Variants in TNR observed in about 807,000 individuals in gnomAD.
TNR encodes the protein tenascin R, also known as tenascin-R.
Under a neutral mutation model 150.4 loss-of-function variants are expected in TNR, and 45 were observed. The observed-to-expected ratio is 0.30, with a 90% confidence interval of 0.24 to 0.38. TNR has a LOEUF of 0.38. Among genes scored for constraint, TNR ranks in the 10% least tolerant of loss-of-function variants. The pLI is 1.00. For synonymous variants in TNR, 687 were observed against 678.4 expected (o/e 1.01, Z -0.20); for missense variants, 1,544 against 1,759.1 (o/e 0.88, Z 2.19).
chr1:175,584,568 G>A (rs1311937072), intron 1 of TNR, among the ~76,000 whole-genome samples: 1 of 152,180 alleles, frequency 6.6e-6, no homozygotes, highest in African/African-American at 2.4e-5. Flanking sequence ...TTGAATGTGT[G>A]ATGTATGAAA....
In TNR at chr1:175,366,028, G is replaced by A. The variant is rs200392863; in HGVS notation, c.2164C>T (p.Pro722Ser). The A allele has an allele frequency of 6.8e-6, 11 of 1,614,026 alleles. No individual in the cohort carries two copies. Among genetic ancestry groups the A allele is most frequent in the Admixed American group, 1.7e-5 (1 of 60,008 alleles). ...ACTTCTGAGGCAATCCCAGAGGATG[G>A]GGTAAAGGTAATTCGGTAGTGGTCA... ...PIDHYRITFTPSSGIASEVTV... is the reference protein window; with the variant it reads ...PIDHYRITFTSSSGIASEVTV... The change falls in exon 11 of 23, where the codon CCA becomes TCA. Residue 722 changes from proline (P) to serine (S), a missense_variant. Transcript: ENST00000367674.
intron 2 of TNR, among the ~76,000 whole-genome samples, chr1:175,496,924 T>C (rs1171782083): frequency 6.6e-6 from 1 of 152,232 alleles, no homozygotes; most frequent in Non-Finnish European, 1.5e-5. Context: ...GGAATCACTG[T>C]CCTCATTTAT....
intron 2 of TNR, among the ~76,000 whole-genome samples, chr1:175,425,952 G>C (rs1654948763): frequency 6.6e-6 from 1 of 152,124 alleles, no homozygotes; most frequent in South Asian, 2.1e-4. Flanking sequence ...TACAGACCTG[G>C]GTGGGCCTCA....
intron 2 of TNR, among the ~76,000 whole-genome samples, chr1:175,448,497 G>T (rs140102333): frequency 1.3e-5 from 2 of 152,114 alleles, no homozygotes; most frequent in East Asian, 1.9e-4. Context: ...GGCATGAGCC[G>T]CTGTGCCCGG....
At chr1:175,662,673 G>C (rs1373370738) in intron 1 of TNR, among the ~76,000 whole-genome samples, 1 of 152,206 alleles carries the variant, frequency 6.6e-6, no homozygotes, top group Non-Finnish European at 1.5e-5. Context: ...GAGGGCGTCT[G>C]TAACCTGTCC....
At chr1:175,480,061 C>T (rs1224388500) in intron 2 of TNR, among the ~76,000 whole-genome samples, 3 of 151,964 alleles carry the variant, frequency 2.0e-5, no homozygotes. Context: ...AGGGACTTGT[C>T]TGCCCATGTA....
Position 175,379,438 on chromosome 1 carries a change from A to G in TNR, c.1963+114T>C, listed in dbSNP as rs1237920603. 5 of 877,182 alleles carry G rather than the reference A, an allele frequency of 5.7e-6. No individual in the cohort carries two copies. In the African/African-American group the frequency reaches 6.7e-5, roughly 12 times the overall value. The allele number at this position is 877,182 out of a possible 1,614,324, so 54.3% of individuals were successfully genotyped here. The stretch of plus-strand genomic sequence containing the variant: ...TAGACATATGTGCTAGGCACTTAAG[A>G]GATGAGATCAATAGGAATTGGCCAT... On this transcript the variant is annotated intron_variant, in intron 9 of 22. Coordinates refer to ENST00000367674, the MANE Select transcript of TNR (RefSeq NM_003285.3).
In TNR at chr1:175,330,236, C is replaced by G. The variant is rs1557866568; in HGVS notation, c.3632-1G>C. ...GTGATCCTGTGTATATTGTCCAGCC[C>G]TGTGGAGAAGAGCAGAAAATGCACT... On this transcript the variant is annotated splice_acceptor_variant, in intron 20 of 22. Coordinates refer to ENST00000367674, the MANE Select transcript of TNR (RefSeq NM_003285.3). LOFTEE classifies it high-confidence loss of function. The G allele has an allele frequency of 6.5e-7, 1 of 1,545,906 alleles. No homozygotes were observed. Among genetic ancestry groups the G allele is most frequent in the East Asian group, 2.3e-5 (1 of 43,584 alleles).
intron 1 of TNR, among the ~76,000 whole-genome samples, chr1:175,611,005 A>G (rs1303550660): frequency 6.6e-6 from 1 of 152,144 alleles, no homozygotes; most frequent in Non-Finnish European, 1.5e-5. Flanking sequence ...GGGAAATCTA[A>G]CCTGTCCGGA....
chr1:175,359,050 C>G (rs1251533358), intron 15 of TNR, among the ~76,000 whole-genome samples: 1 of 148,006 alleles, frequency 6.8e-6, no homozygotes, highest in Non-Finnish European at 1.5e-5. Flanking sequence ...TTTGTACTTG[C>G]CCTTGGTTAC....
chr1:175,735,717 A>G (rs1020699713), intron 1 of TNR, among the ~76,000 whole-genome samples: 1 of 152,208 alleles, frequency 6.6e-6, no homozygotes, highest in Non-Finnish European at 1.5e-5. Context: ...ATTATAAAGG[A>G]AGGGAAAATG....
At chr1:175,330,377 G>T in intron 20 of TNR, 142 bp from the exon 21 acceptor site, 2 of 889,152 alleles carry the variant, frequency 2.2e-6, no homozygotes, top group Non-Finnish European at 1.6e-6. Flanking sequence ...TGCTTCACAG[G>T]TTGTTATCAA....
intron 1 of TNR, among the ~76,000 whole-genome samples, chr1:175,579,756 G>T (rs1265197215): frequency 2.0e-5 from 3 of 151,786 alleles, no homozygotes; most frequent in African/African-American, 7.3e-5. Context: ...GGAAATAGAG[G>T]GGAGAGGGTC....
intron 2 of TNR, among the ~76,000 whole-genome samples, chr1:175,526,557 A>C (rs543633378): frequency 6.6e-6 from 1 of 152,354 alleles, no homozygotes; most frequent in South Asian, 2.1e-4. Context: ...TGCAGTACAG[A>C]ACAGGCTTGA....
intron 2 of TNR, among the ~76,000 whole-genome samples, chr1:175,477,257 T>C (rs1285099507): frequency 1.3e-5 from 2 of 152,324 alleles, no homozygotes; most frequent in Non-Finnish European, 2.9e-5. Context: ...ATTTCTTTTC[T>C]AGCTCCCGCG....
At position 175,528,351 on chromosome 1, in the gene TNR, G is replaced by A. The variant is rs1222555380; in HGVS notation, c.-146C>T. 1.3e-5 allele frequency: 2 copies of A among 152,212 alleles called. No individual in the cohort carries two copies. Among genetic ancestry groups the A allele is most frequent in the African/African-American group, 4.8e-5 (2 of 41,454 alleles). 9.4% of individuals were successfully genotyped at this position (152,212 alleles called of 1,614,324 possible). A position where few individuals can be genotyped will look rare whatever the true frequency, so the allele number is the denominator to read the frequency against. On this transcript the variant is annotated 5_prime_UTR_variant, in exon 2 of 23. Transcript: ENST00000367674. ...CCAAAAGAGACCTGCCCTCTATGCA[G>A]TTAAAACGATACAGCCACCTGAAAC...
intron 18 of TNR, among the ~76,000 whole-genome samples, chr1:175,341,327 C>G (rs889022109): frequency 6.6e-6 from 1 of 152,140 alleles, no homozygotes; most frequent in Admixed American, 6.5e-5. Context: ...GAGCCTAGAC[C>G]GATGGAGAAT....
chr1:175,375,639 G>A (rs1259482130), intron 9 of TNR, among the ~76,000 whole-genome samples: 2 of 152,104 alleles, frequency 1.3e-5, no homozygotes, highest in Non-Finnish European at 2.9e-5. Flanking sequence ...ACAACAAAGA[G>A]GAAAATGGTG....
chr1:175,329,686 C>T (rs1649616654), intron 21 of TNR, among the ~76,000 whole-genome samples: 1 of 152,220 alleles, frequency 6.6e-6, no homozygotes, highest in South Asian at 2.1e-4. Flanking sequence ...GATGATTCTG[C>T]TCTCACTGCA....
Sources: allele counts gnomAD v4.1 joint callset (sites outside exome capture counted in the v4.1 genomes callset), GRCh38; gene constraint gnomAD v4.1.1; transcripts MANE v1.5; gene names NCBI Gene and HGNC (gene_info 2026-07-23, HGNC 2026-07-21).